DMD: variants seen among roughly 807,000 people sequenced by gnomAD.
The protein encoded by DMD is dystrophin, also known as mutant dystrophin.
Under a neutral mutation model 330.1 loss-of-function variants are expected in DMD, and 63 were observed. That is an observed-to-expected ratio of 0.19 (90% CI 0.16 to 0.24). The LOEUF (loss-of-function observed/expected upper bound fraction) is 0.24, where lower values mean the gene tolerates loss of function less well. Ranked by LOEUF, DMD falls within the 10% of genes least tolerant of loss-of-function variation. The pLI, the probability that DMD is intolerant of heterozygous loss-of-function variation, is 1.00. For missense variants in DMD, 3,344 were observed against 2,684.1 expected (o/e 1.25, Z -5.43); for synonymous variants, 1,223 against 959.8 (o/e 1.27, Z -5.07).
intron 2 of DMD, among the ~76,000 whole-genome samples, chrX:32,933,355 G>A (rs992848670): frequency 9.0e-6 from 1 of 111,254 alleles, no homozygotes; most frequent in East Asian, 2.8e-4. Context: ...CGGGGTAGGT[G>A]ATTAGATGTG....
chrX:31,915,244 GATA>G (rs200714303), intron 47 of DMD, among the ~76,000 whole-genome samples: 1 of 102,021 alleles, frequency 9.8e-6, no homozygotes, highest in Non-Finnish European at 2.0e-5. Flanking sequence ...TTCTCTTGAT[GATA>G]AGAAAGAGAG....
At chrX:31,770,213 T>C (rs73459902) in intron 51 of DMD, among the ~76,000 whole-genome samples, 58 of 112,621 alleles carry the variant, frequency 5.2e-4, no homozygotes, top group African/African-American at 1.9e-3. Context: ...GTTGCTTGCA[T>C]CCAGAGAGCT....
chrX:31,583,500 T>C (rs1326839692), intron 55 of DMD, among the ~76,000 whole-genome samples: 1 of 111,063 alleles, frequency 9.0e-6, no homozygotes, highest in Non-Finnish European at 1.9e-5. Flanking sequence ...GGGTAGGCTA[T>C]TGATTTTCTT....
intron 1 of DMD, among the ~76,000 whole-genome samples, chrX:33,179,724 A>T (rs1029612641): frequency 9.0e-6 from 1 of 111,030 alleles, no homozygotes; most frequent in Non-Finnish European, 1.9e-5. Context: ...AAGAAATTGA[A>T]TGAAAGTTCA....
At chrX:32,031,092 T>A (rs2147247485) in intron 44 of DMD, among the ~76,000 whole-genome samples, 1 of 110,375 alleles carries the variant, frequency 9.1e-6, no homozygotes, top group Non-Finnish European at 1.9e-5. Context: ...GGGATTCTAC[T>A]GGTTCACGTC....
intron 55 of DMD, among the ~76,000 whole-genome samples, chrX:31,551,142 T>C (rs1569550916): frequency 4.2e-5 from 4 of 95,715 alleles, no homozygotes; most frequent in Admixed American, 3.8e-4. Context: ...ATTGTGCCAC[T>C]GCACTCCAGC....
At chrX:31,160,764 G>A (rs941223224) in intron 74 of DMD, among the ~76,000 whole-genome samples, 5 of 111,346 alleles carry the variant, frequency 4.5e-5, no homozygotes, top group Admixed American at 2.9e-4. Context: ...ATACATTTTA[G>A]GCAACAGTGA....
chrX:32,904,287 C>T (rs1202576400), intron 2 of DMD, among the ~76,000 whole-genome samples: 7 of 111,832 alleles, frequency 6.3e-5, no homozygotes, highest in African/African-American at 1.9e-4. Context: ...AGTATCAGAT[C>T]AAGAAGCCGA....
intron 44 of DMD, among the ~76,000 whole-genome samples, chrX:32,193,030 T>C (rs183368511): frequency 2.7e-5 from 3 of 111,663 alleles, no homozygotes; most frequent in Admixed American, 1.9e-4. Flanking sequence ...GCCATCCTCA[T>C]GATGATGAGT....
intron 48 of DMD, among the ~76,000 whole-genome samples, chrX:31,852,837 T>C (rs1403508418): frequency 8.9e-6 from 1 of 112,508 alleles, no homozygotes; most frequent in Non-Finnish European, 1.9e-5. Context: ...AAACTCCTTA[T>C]ATAGACTCAT....
chrX:33,258,976 A>G (rs955901869), intron 1 of DMD, among the ~76,000 whole-genome samples: 3 of 111,105 alleles, frequency 2.7e-5, no homozygotes, highest in Admixed American at 9.6e-5. Context: ...TGAATTAATT[A>G]CCATGTTAAA....
At chrX:31,426,217 T>C (rs2063707875) in intron 60 of DMD, among the ~76,000 whole-genome samples, 2 of 111,991 alleles carry the variant, frequency 1.8e-5, no homozygotes, top group Admixed American at 9.5e-5. Flanking sequence ...AAAAATATAT[T>C]CCCAAGTCTA....
intron 7 of DMD, among the ~76,000 whole-genome samples, chrX:32,726,688 T>C (rs776889112): frequency 1.8e-5 from 2 of 110,992 alleles, no homozygotes; most frequent in South Asian, 7.5e-4. Context: ...AAATTATTTG[T>C]GGGAAGTTTT....
intron 50 of DMD, among the ~76,000 whole-genome samples, chrX:31,817,414 A>C (rs765290464): frequency 2.7e-5 from 3 of 111,888 alleles, no homozygotes; most frequent in Non-Finnish European, 5.6e-5. Context: ...ACAGTAAAGA[A>C]AAAAGAAAAT....
At chrX:32,608,266 A>C (rs1226385500) in intron 12 of DMD, among the ~76,000 whole-genome samples, 1 of 110,477 alleles carries the variant, frequency 9.1e-6, no homozygotes, top group Non-Finnish European at 1.9e-5. Context: ...ATGCTTGTTA[A>C]TAGAATTCTT....
chrX:32,365,243 C>G (rs1420326038), intron 34 of DMD, 44 bp from the exon 35 acceptor site: 1 of 1,178,629 alleles, frequency 8.5e-7, no homozygotes. Flanking sequence ...GTCTTGTAGT[C>G]TTAAGATTTA....
At position 31,798,132 on chromosome X, in the gene DMD, C is replaced by T. The variant is rs1031103751; in HGVS notation, c.7309+21843G>A. 1.3e-4 allele frequency among the ~76,000 whole-genome samples: 15 copies of T among 112,048 alleles called. No homozygotes were observed. The Admixed American group carries it at 1.4e-3, about 11-fold the overall frequency. The stretch of plus-strand genomic sequence containing the variant: ...GGGTTGAATGACAAAATTACTTCAT[C>T]CCCCTTTTAAAATTTCTATGGTACT... On this transcript the variant is annotated intron_variant, in intron 50 of 78. Transcript: ENST00000357033.
chrX:32,812,198 T>C (rs1325066059), intron 6 of DMD, among the ~76,000 whole-genome samples: 1 of 111,782 alleles, frequency 8.9e-6, no homozygotes, highest in Non-Finnish European at 1.9e-5. Context: ...GAACAGAGTC[T>C]ACATACAGTT....
chrX:32,760,292 G>A (rs1014364789), intron 7 of DMD, among the ~76,000 whole-genome samples: 2 of 110,334 alleles, frequency 1.8e-5, no homozygotes, highest in Non-Finnish European at 3.8e-5. Flanking sequence ...AATGGAATCA[G>A]TATGCCACAT....
Sources: gnomAD v4.1 joint callset for allele counts (sites outside exome capture counted in the v4.1 genomes callset) on GRCh38, gnomAD v4.1.1 for gene constraint, MANE v1.5 for transcripts, NCBI Gene and HGNC (gene_info 2026-07-23, HGNC 2026-07-21) for gene names.